The following ADGRB3 variants were observed in gnomAD, a reference collection of about 807,000 sequenced individuals.
ADGRB3 encodes brain-specific angiogenesis inhibitor 3.
A neutral mutation model predicts 193.4 loss-of-function variants in ADGRB3; 37 were observed. The ratio of observed to expected loss-of-function variants is 0.19; its 90% confidence interval spans 0.15 to 0.25. The LOEUF (loss-of-function observed/expected upper bound fraction) is 0.25, where lower values mean the gene tolerates loss of function less well. Ranked by LOEUF, ADGRB3 falls within the 10% of genes least tolerant of loss-of-function variation. The pLI is 1.00. For synonymous variants in ADGRB3, 690 were observed against 644.2 expected (o/e 1.07, Z -1.08); for missense variants, 1,637 against 1,852.9 (o/e 0.88, Z 2.14).
intron 3 of ADGRB3, among the ~76,000 whole-genome samples, chr6:68,749,394 T>TTATATA (rs1447436271): frequency 7.3e-6 from 1 of 137,296 alleles, no homozygotes; most frequent in African/African-American, 2.8e-5. Context: ...AAACTCCCCT[T>TTATATA]TATATATATA....
rs541934001 is a variant in ADGRB3 at position 68,955,040 on chromosome 6, CCT to C, written c.1196-977_1196-976del. 8.5e-4 allele frequency among the ~76,000 whole-genome samples: 129 copies of C among 152,194 alleles called. 1 individual carries two copies. Among genetic ancestry groups the C allele is most frequent in the African/African-American group, 2.8e-3 (118 of 41,530 alleles). On this transcript the variant is annotated intron_variant, in intron 6 of 31. Transcript: ENST00000370598. ...CTGATGAAAGTTTTTCATAATCTAG[CCT>C]CTCTCTTTTTTAAAACTTCTGCAAT... is the stretch of plus-strand genomic sequence containing the variant.
chr6:69,154,031 T>C (rs151142015), intron 17 of ADGRB3, among the ~76,000 whole-genome samples: 2,763 of 152,226 alleles, frequency 0.018, 46 homozygotes, highest in Non-Finnish European at 0.031. Flanking sequence ...GGAACTTGCA[T>C]AATTTTAATA....
chr6:69,215,866 C>T (rs541464289), intron 17 of ADGRB3, among the ~76,000 whole-genome samples: 1 of 152,060 alleles, frequency 6.6e-6, no homozygotes, highest in Non-Finnish European at 1.5e-5. Context: ...ATTTCTTAGG[C>T]CCTAATAATC....
At chr6:68,761,648 A>G (rs2127351428) in intron 3 of ADGRB3, among the ~76,000 whole-genome samples, 1 of 151,594 alleles carries the variant, frequency 6.6e-6, no homozygotes, top group East Asian at 1.9e-4. Context: ...GTGATGTTAC[A>G]TAAACCTGTT....
chr6:68,735,794 A>G (rs542270892), intron 3 of ADGRB3, among the ~76,000 whole-genome samples: 1 of 152,244 alleles, frequency 6.6e-6, no homozygotes, highest in East Asian at 1.9e-4. Flanking sequence ...TTAGCAGCAA[A>G]TTCCTAATAT....
At chr6:69,137,648 T>C (rs1016584689) in intron 17 of ADGRB3, among the ~76,000 whole-genome samples, 1 of 151,912 alleles carries the variant, frequency 6.6e-6, no homozygotes, top group African/African-American at 2.4e-5. Flanking sequence ...AATACAAAAA[T>C]TAGCCGGGCA....
intron 3 of ADGRB3, among the ~76,000 whole-genome samples, chr6:68,651,407 C>T (rs988480625): frequency 6.6e-6 from 1 of 152,054 alleles, no homozygotes; most frequent in African/African-American, 2.4e-5. Flanking sequence ...CATATGAGTT[C>T]TTTCTGTTTA....
chr6:69,082,481 T>C lies in ADGRB3; in HGVS notation c.2480+6443T>C, dbSNP rs181114201. On this transcript the variant is annotated intron_variant, in intron 17 of 31. Coordinates refer to ENST00000370598, the MANE Select transcript of ADGRB3 (RefSeq NM_001704.3). The stretch of plus-strand genomic sequence containing the variant: ...CCTCTCTTCCATAGTTCTACTTTTT[T>C]CCCCTCTCAGTTATCTATTTTAACT... Among the ~76,000 whole-genome samples, 57 of 152,266 alleles carry C rather than the reference T, an allele frequency of 3.7e-4. No individual in the cohort carries two copies. The Middle Eastern group carries it at 0.01, about 27-fold the overall frequency.
intron 4 of ADGRB3, among the ~76,000 whole-genome samples, chr6:68,932,504 A>G (rs1006560151): frequency 6.6e-6 from 1 of 152,090 alleles, no homozygotes; most frequent in East Asian, 1.9e-4. Flanking sequence ...AACCAAATAT[A>G]GTATAGACAA....
intron 3 of ADGRB3, among the ~76,000 whole-genome samples, chr6:68,692,017 A>C (rs1338727069): frequency 1.3e-5 from 2 of 151,848 alleles, no homozygotes; most frequent in African/African-American, 4.8e-5. Context: ...AGATTTACAA[A>C]AGAATGGCCA....
At chr6:69,314,240 A>G (rs1390170656) in intron 20 of ADGRB3, among the ~76,000 whole-genome samples, 2 of 151,682 alleles carry the variant, frequency 1.3e-5, no homozygotes, top group African/African-American at 4.8e-5. Flanking sequence ...CATCTGTGGA[A>G]CAGATTTTTT....
intron 3 of ADGRB3, among the ~76,000 whole-genome samples, chr6:68,816,887 C>T (rs1190221832): frequency 6.6e-6 from 1 of 152,016 alleles, no homozygotes; most frequent in African/African-American, 2.4e-5. Context: ...TGCTGGGAAT[C>T]CACTAATCTA....
intron 7 of ADGRB3, among the ~76,000 whole-genome samples, 180 bp downstream of exon 7, chr6:68,956,368 T>C (rs1017805641): frequency 1.3e-5 from 2 of 151,936 alleles, no homozygotes; most frequent in Admixed American, 1.3e-4. Flanking sequence ...TACCAGAATT[T>C]ATTCTAATGT....
chr6:69,045,349 G>A (rs1771205553), intron 13 of ADGRB3, among the ~76,000 whole-genome samples: 1 of 152,074 alleles, frequency 6.6e-6, no homozygotes, highest in Non-Finnish European at 1.5e-5. Flanking sequence ...AGGTAAATAT[G>A]TATAACTTTA....
At chr6:68,734,588 A>AT (rs970657737) in intron 3 of ADGRB3, among the ~76,000 whole-genome samples, 2 of 152,040 alleles carry the variant, frequency 1.3e-5, no homozygotes, top group African/African-American at 4.8e-5. Context: ...AGAAAAACAT[A>AT]TTGTGTAAAA....
intron 24 of ADGRB3, among the ~76,000 whole-genome samples, chr6:69,338,122 T>G (rs988415666): frequency 2.0e-5 from 3 of 152,184 alleles, no homozygotes; most frequent in Non-Finnish European, 4.4e-5. Flanking sequence ...TTTGCTTCTA[T>G]AATGTAGTAG....
At chr6:69,052,110 G>C (rs1771415745) in intron 15 of ADGRB3, among the ~76,000 whole-genome samples, 1 of 152,116 alleles carries the variant, frequency 6.6e-6, no homozygotes, top group African/African-American at 2.4e-5. Context: ...GGATGGCCTT[G>C]ATTTTCTGAC....
intron 17 of ADGRB3, among the ~76,000 whole-genome samples, chr6:69,137,829 G>T (rs1234799496): frequency 1.3e-5 from 2 of 152,074 alleles, no homozygotes; most frequent in Non-Finnish European, 2.9e-5. Context: ...GCCCCTTAAA[G>T]GTGTACGATG....
At chr6:69,293,120 G>A (rs1767726635) in intron 20 of ADGRB3, among the ~76,000 whole-genome samples, 1 of 152,118 alleles carries the variant, frequency 6.6e-6, no homozygotes, top group African/African-American at 2.4e-5. Flanking sequence ...GGGGCAAGGG[G>A]ACAAAAGAAA....
Sources: gnomAD v4.1 joint callset for allele counts (sites outside exome capture counted in the v4.1 genomes callset) on GRCh38, gnomAD v4.1.1 for gene constraint, MANE v1.5 for transcripts, NCBI Gene and HGNC (gene_info 2026-07-23, HGNC 2026-07-21) for gene names.